PPFIA1: variants seen among roughly 807,000 people sequenced by gnomAD.
PPFIA1 encodes the protein PPFI scaffold protein A1.
A neutral mutation model predicts 149.9 loss-of-function variants in PPFIA1; 25 were observed. The observed-to-expected ratio is 0.17, with a 90% CI of 0.12 to 0.23. PPFIA1 has a LOEUF of 0.23. Ranked by LOEUF, PPFIA1 falls within the 10% of genes least tolerant of loss-of-function variation. PPFIA1 has a pLI of 1.00. For missense variants in PPFIA1, 1,362 were observed against 1,506.5 expected (o/e 0.90, Z 1.59); for synonymous variants, 549 against 552.8 (o/e 0.99, Z 0.10).
chr11:70,317,900 A>G lies in PPFIA1; in HGVS notation c.265-6502A>G, dbSNP rs548175403. 7.8e-4 allele frequency among the ~76,000 whole-genome samples: 119 copies of G among 152,270 alleles called. 1 individual carries two copies. The South Asian group carries it at 0.023, about 30-fold the overall frequency. On this transcript the variant is annotated intron_variant, in intron 2 of 27. Transcript: ENST00000253925. ...TTAAAGGTGACGAAATTTGTTCATA[A>G]TAGACTTTTAAAAATAAAACACCGA...
At chr11:70,274,776 T>C (rs575514614) in intron 2 of PPFIA1, among the ~76,000 whole-genome samples, 2 of 152,050 alleles carry the variant, frequency 1.3e-5, no homozygotes, top group South Asian at 2.1e-4. Context: ...TGGAGTGCAG[T>C]GGCATGATCT....
rs1219576112 is a variant in PPFIA1 at position 70,279,917 on chromosome 11, G to GTGTGTGTGTGTGTGTGTGTGTGTA, written c.264+7482_264+7483insGTGTGTGTGTGTGTGTGTGTGTAT. Among the ~76,000 whole-genome samples the GTGTGTGTGTGTGTGTGTGTGTGTA allele has an allele frequency of 1.6e-3, 243 of 151,620 alleles. 2 individuals are homozygous for GTGTGTGTGTGTGTGTGTGTGTGTA. The highest frequency in any genetic ancestry group is 5.8e-3 in the African/African-American group (238 of 41,228). ...GTGTGTGTGGGGGATGTGTGTGTGTGTATATTTTTGGGACAGGGTCTCGCT... is the reference window on the plus strand; with the variant it reads ...GTGTGTGTGGGGGATGTGTGTGTGTGTGTGTGTGTGTGTGTGTGTGTGTATATATTTTTGGGACAGGGTCTCGCT... On this transcript the variant is annotated intron_variant, in intron 2 of 27. Transcript: ENST00000253925.
At chr11:70,289,059 C>G (rs1215616026) in intron 2 of PPFIA1, among the ~76,000 whole-genome samples, 1 of 151,496 alleles carries the variant, frequency 6.6e-6, no homozygotes, top group Non-Finnish European at 1.5e-5. Flanking sequence ...GCTCCGCCTC[C>G]CGGGTTCAAG....
chr11:70,378,353 CATTT>C (rs773338635), intron 26 of PPFIA1, 158 bp downstream of exon 26: 17 of 1,308,800 alleles, frequency 1.3e-5, no homozygotes, highest in Non-Finnish European at 1.7e-5. Flanking sequence ...TTAACTCTAA[CATTT>C]GTTTATAAAA....
chr11:70,349,512 T>G (rs2055923258), intron 16 of PPFIA1, among the ~76,000 whole-genome samples: 1 of 152,194 alleles, frequency 6.6e-6, no homozygotes, highest in African/African-American at 2.4e-5. Context: ...AATTTGTCAG[T>G]GTGTTGTCAA....
In PPFIA1 at chr11:70,326,933, G is replaced by A. The variant is rs1381335821; in HGVS notation, c.930+115G>A. The A allele has an allele frequency of 1.7e-5, 14 of 843,760 alleles. No homozygotes were observed. The East Asian group carries it at 3.6e-4, about 22-fold the overall frequency. The allele number at this position is 843,760 out of a possible 1,614,324, so 52.3% of individuals were successfully genotyped here. A position where few individuals can be genotyped will look rare whatever the true frequency, so the allele number is the denominator to read the frequency against. ...ACTCTCCCAATTACTTTCAACCTTT[G>A]GATTATTGTATAAGTTATATTGAAA... On this transcript the variant is annotated intron_variant, in intron 7 of 27. Transcript: ENST00000253925.
rs989434341 is a variant in PPFIA1, at chr11:70,383,474, G to T, written c.*484G>T. On this transcript the variant is annotated 3_prime_UTR_variant, in exon 28 of 28. Transcript: ENST00000253925. Reference sequence around the variant, plus strand: ...GCCATGTGCATTATCCTTTACGGACGCAGCCTAGCTCTACAGCAATCATCC... The same window carrying T: ...GCCATGTGCATTATCCTTTACGGACTCAGCCTAGCTCTACAGCAATCATCC... 1 of 165,920 alleles carries T rather than the reference G, an allele frequency of 6.0e-6. No homozygotes were observed. The highest frequency in any genetic ancestry group is 1.3e-5 in the Non-Finnish European group (1 of 77,732). 10.3% of individuals were successfully genotyped at this position (165,920 alleles called of 1,614,324 possible).
chr11:70,281,737 G>A (rs1356949907), intron 2 of PPFIA1, among the ~76,000 whole-genome samples: 1 of 152,152 alleles, frequency 6.6e-6, no homozygotes, highest in Admixed American at 6.5e-5. Context: ...AAGAGTGGGG[G>A]CTCTGAATAG....
intron 2 of PPFIA1, among the ~76,000 whole-genome samples, chr11:70,284,722 T>C (rs1027793687): frequency 6.6e-6 from 1 of 152,082 alleles, no homozygotes; most frequent in Non-Finnish European, 1.5e-5. Flanking sequence ...GTATGAGAGC[T>C]TTCTTGGCGG....
chr11:70,301,405 G>A (rs1348670610), intron 2 of PPFIA1, among the ~76,000 whole-genome samples: 2 of 152,148 alleles, frequency 1.3e-5, no homozygotes, highest in African/African-American at 4.8e-5. Flanking sequence ...ATTGGGCTGC[G>A]AGTCCCAAGC....
chr11:70,348,114 G>A (rs902942222), intron 15 of PPFIA1, 75 bp from the exon 16 acceptor site: 3 of 1,289,508 alleles, frequency 2.3e-6, no homozygotes, highest in Non-Finnish European at 3.4e-6. Context: ...CAGAGTATAA[G>A]CATGGTTTTT....
At chr11:70,274,525 G>A (rs941567838) in intron 2 of PPFIA1, among the ~76,000 whole-genome samples, 2 of 152,156 alleles carry the variant, frequency 1.3e-5, no homozygotes, top group Non-Finnish European at 2.9e-5. Flanking sequence ...AAAATAATCT[G>A]TATGTTTTGC....
chr11:70,333,335 G>A, intron 9 of PPFIA1, 135 bp from the exon 10 acceptor site: 1 of 708,638 alleles, frequency 1.4e-6, no homozygotes, highest in African/African-American at 1.7e-5. Flanking sequence ...GTTGATGGAT[G>A]AGTACATGCT....
At chr11:70,339,991 T>C (rs140307500) in intron 14 of PPFIA1, among the ~76,000 whole-genome samples, 1 of 151,856 alleles carries the variant, frequency 6.6e-6, no homozygotes, top group African/African-American at 2.4e-5. Flanking sequence ...CAGCCTGGGC[T>C]ACAAGAGTGA....
intron 2 of PPFIA1, among the ~76,000 whole-genome samples, chr11:70,314,882 T>C (rs555849473): frequency 2.8e-4 from 42 of 152,318 alleles, no homozygotes; most frequent in African/African-American, 1.0e-3. Context: ...CAGTTCCGCA[T>C]GGCTGGGGAG....
intron 9 of PPFIA1, among the ~76,000 whole-genome samples, chr11:70,332,791 A>T (rs577761173): frequency 1.3e-5 from 2 of 152,324 alleles, no homozygotes; most frequent in South Asian, 4.1e-4. Context: ...GAGCAGCAGG[A>T]GCTGAGGCCC....
chr11:70,362,624 A>C, intron 21 of PPFIA1, 136 bp downstream of exon 21: 1 of 839,132 alleles, frequency 1.2e-6, no homozygotes. Flanking sequence ...TTTTAGCATC[A>C]CATACATTAG....
Position 70,303,953 on chromosome 11 carries a change from C to G in PPFIA1, c.265-20449C>G, listed in dbSNP as rs536228690. Among the ~76,000 whole-genome samples, 18 of 152,274 alleles carry G rather than the reference C, an allele frequency of 1.2e-4. No individual in the cohort carries two copies. In the South Asian group the frequency reaches 3.7e-3, roughly 32 times the overall value. ...CCCAGGAGGCGGAGGTTGCGGTGAGCTGAGATCGCGCCACTGCACTCCAGC... is the reference window on the plus strand; with the variant it reads ...CCCAGGAGGCGGAGGTTGCGGTGAGGTGAGATCGCGCCACTGCACTCCAGC... On this transcript the variant is annotated intron_variant, in intron 2 of 27. Coordinates refer to ENST00000253925, the MANE Select transcript of PPFIA1 (RefSeq NM_003626.5).
intron 16 of PPFIA1, among the ~76,000 whole-genome samples, chr11:70,351,800 A>G (rs1297900923): frequency 6.6e-6 from 1 of 152,188 alleles, no homozygotes; most frequent in Non-Finnish European, 1.5e-5. Flanking sequence ...TCTGATTTCA[A>G]AACCTGACAG....
Sources: gnomAD v4.1 joint callset for allele counts (sites outside exome capture counted in the v4.1 genomes callset) on GRCh38, gnomAD v4.1.1 for gene constraint, MANE v1.5 for transcripts, NCBI Gene and HGNC (gene_info 2026-07-23, HGNC 2026-07-21) for gene names.